SPICE1: variants seen among roughly 807,000 people sequenced by gnomAD.
SPICE1 encodes spindle and centriole associated protein 1.
A neutral mutation model predicts 102.7 loss-of-function variants in SPICE1; 75 were observed. The ratio of observed to expected loss-of-function variants is 0.73; its 90% confidence interval spans 0.61 to 0.88. The LOEUF is 0.88. SPICE1 is among the 40% of genes least tolerant of loss of function. The pLI is 0.00. For synonymous variants in SPICE1, 308 were observed against 350.3 expected (o/e 0.88, Z 1.35); for missense variants, 979 against 1,020.1 (o/e 0.96, Z 0.55).
intron 14 of SPICE1, among the ~76,000 whole-genome samples, chr3:113,450,727 C>T (rs925454968): frequency 6.6e-6 from 1 of 152,000 alleles, no homozygotes; most frequent in Admixed American, 6.6e-5. Context: ...CAGGCACCTG[C>T]CACCACGCCC....
At chr3:113,469,047 G>A (rs375085068) in intron 8 of SPICE1, 52 bp downstream of exon 8, 1 of 1,590,030 alleles carries the variant, frequency 6.3e-7, no homozygotes, top group Non-Finnish European at 8.6e-7. Flanking sequence ...CTGCATTCAA[G>A]AATGAACCTA....
At chr3:113,459,535 T>G (rs1241998039) in intron 12 of SPICE1, 1 of 985,046 alleles carries the variant, frequency 1.0e-6, no homozygotes, top group African/African-American at 1.7e-5. Flanking sequence ...TTCTCAGTAG[T>G]GAAGCTTAAT....
intron 10 of SPICE1, among the ~76,000 whole-genome samples, chr3:113,467,246 C>T (rs575116793): frequency 6.6e-6 from 1 of 152,246 alleles, no homozygotes; most frequent in African/African-American, 2.4e-5. Flanking sequence ...AATTCTGTGG[C>T]ATTCTGTGGA....
In SPICE1 at chr3:113,469,211, A is replaced by T. The variant is rs774537512; in HGVS notation, c.639T>A (p.Asn213Lys). 9.4e-6 allele frequency: 15 copies of T among 1,589,780 alleles called. No homozygotes were observed. The South Asian group carries it at 1.5e-4, about 16-fold the overall frequency. Residue 213 changes from asparagine to lysine, a missense_variant, in exon 8 of 18, where the codon AAT becomes AAA. Physicochemically the swap from Asn to Lys is moderately conservative, Grantham distance 94. Transcript: ENST00000295872. The stretch of plus-strand genomic sequence containing the variant: ...TCCACAACTTACTAATTAACTCAAA[A>T]TTCTCTTCTGTTAGTTGTTGGAGAA... The part of the protein sequence containing the change: ...DRFLQQLTEE[N>K]FELISKLWTD...
chr3:113,446,393 T>A (rs181816287), intron 17 of SPICE1, among the ~76,000 whole-genome samples, 196 bp downstream of exon 17: 7 of 152,364 alleles, frequency 4.6e-5, no homozygotes, highest in Admixed American at 2.6e-4. Context: ...TTTACCTTAT[T>A]CCTTAGTTAC....
chr3:113,508,731 A>G (rs1937160732), intron 1 of SPICE1, among the ~76,000 whole-genome samples: 1 of 152,218 alleles, frequency 6.6e-6, no homozygotes. Context: ...GAGTAACAAC[A>G]TGACCCAGCA....
At chr3:113,454,100 C>T in intron 13 of SPICE1, 150 bp from the exon 14 acceptor site, 2 of 703,988 alleles carry the variant, frequency 2.8e-6, no homozygotes, top group Non-Finnish European at 4.6e-6. Context: ...CAGCAGAGAA[C>T]ACACCAGCAA....
At chr3:113,452,512 C>T (rs1017175525) in intron 14 of SPICE1, among the ~76,000 whole-genome samples, 8 of 151,670 alleles carry the variant, frequency 5.3e-5, no homozygotes, top group Non-Finnish European at 1.0e-4. Context: ...GGCGAAACCC[C>T]GCCTCTACAA....
At chr3:113,464,117 T>C (rs976531862) in intron 11 of SPICE1, among the ~76,000 whole-genome samples, 8 of 151,218 alleles carry the variant, frequency 5.3e-5, no homozygotes, top group African/African-American at 1.9e-4. Context: ...GTGAGGAAAA[T>C]GTTCTGGATT....
chr3:113,450,717 C>A (rs1265210948), intron 14 of SPICE1, among the ~76,000 whole-genome samples: 1 of 151,986 alleles, frequency 6.6e-6, no homozygotes, highest in Non-Finnish European at 1.5e-5. Flanking sequence ...GCTGGGACTA[C>A]AGGCACCTGC....
At chr3:113,461,356 G>GT (rs970877187) in intron 11 of SPICE1, among the ~76,000 whole-genome samples, 75 of 145,568 alleles carry the variant, frequency 5.2e-4, no homozygotes, top group Middle Eastern at 7.2e-3. Flanking sequence ...ATTACATAAG[G>GT]TTTTTTTTTT....
intron 7 of SPICE1, among the ~76,000 whole-genome samples, chr3:113,477,634 T>C (rs1205559271): frequency 6.6e-6 from 1 of 152,020 alleles, no homozygotes; most frequent in African/African-American, 2.4e-5. Context: ...ATGTCCTTTG[T>C]AGGGACATGG....
At chr3:113,462,008 A>C (rs766855716) in intron 11 of SPICE1, among the ~76,000 whole-genome samples, 25 of 152,148 alleles carry the variant, frequency 1.6e-4, no homozygotes, top group Non-Finnish European at 3.1e-4. Context: ...TTACCTCATA[A>C]ATGGCAACTT....
At chr3:113,502,897 T>A (rs915792554) in intron 3 of SPICE1, among the ~76,000 whole-genome samples, 8 of 152,048 alleles carry the variant, frequency 5.3e-5, no homozygotes, top group Admixed American at 5.2e-4. Context: ...ATAGATTTTT[T>A]AAAAAGGCAG....
chr3:113,464,831 G>A (rs1338854705), intron 11 of SPICE1, among the ~76,000 whole-genome samples: 2 of 152,158 alleles, frequency 1.3e-5, no homozygotes, highest in Admixed American at 1.3e-4. Flanking sequence ...AAGAAGCAAG[G>A]TGCAGTGGCT....
At chr3:113,497,001 T>A (rs192225167) in intron 4 of SPICE1, among the ~76,000 whole-genome samples, 15 of 152,348 alleles carry the variant, frequency 9.8e-5, no homozygotes, top group African/African-American at 1.9e-4. Context: ...AATGTTCTTT[T>A]GGTTTCTCCT....
chr3:113,450,579 ATT>A (rs764682551), intron 14 of SPICE1, 63 bp from the exon 15 acceptor site: 17,012 of 1,167,590 alleles, frequency 0.015, no homozygotes, highest in South Asian at 0.019. Context: ...CTCTCCCACG[ATT>A]TTTTTTTTTT....
intron 6 of SPICE1, 28 bp from the exon 7 acceptor site, chr3:113,489,091 A>C: frequency 1.4e-6 from 2 of 1,385,692 alleles, no homozygotes; most frequent in Non-Finnish European, 2.0e-6. Flanking sequence ...TAAAAATAGC[A>C]CAAGTTGATT....
chr3:113,488,062 A>C (rs1936684178), intron 7 of SPICE1, among the ~76,000 whole-genome samples: 1 of 152,332 alleles, frequency 6.6e-6, no homozygotes, highest in Admixed American at 6.5e-5. Context: ...ACTAAATATA[A>C]TAAGTGATTA....
Sources: allele counts gnomAD v4.1 joint callset (sites outside exome capture counted in the v4.1 genomes callset), GRCh38; gene constraint gnomAD v4.1.1; transcripts MANE v1.5; gene names NCBI Gene and HGNC (gene_info 2026-07-23, HGNC 2026-07-21).